GRM7: variants seen among roughly 807,000 people sequenced by gnomAD.
The protein encoded by GRM7 is metabotropic glutamate receptor 7.
In GRM7, 35 loss-of-function variants were observed where a neutral mutation model predicts 84.5. The observed-to-expected ratio is 0.41, with a 90% CI of 0.32 to 0.55. The LOEUF (loss-of-function observed/expected upper bound fraction) is 0.55. Ranked by LOEUF, GRM7 falls within the 20% of genes least tolerant of loss-of-function variation. The pLI is 0.19. For missense variants in GRM7, 1,003 were observed against 1,194.6 expected, an observed-to-expected ratio of 0.84 and a Z score of 2.36; for synonymous variants, 487 against 455.1, an observed-to-expected ratio of 1.07 and a Z score of -0.89.
At chr3:6,949,550 C>T (rs887477383) in intron 1 of GRM7, among the ~76,000 whole-genome samples, 2 of 151,758 alleles carry the variant, frequency 1.3e-5, no homozygotes, top group African/African-American at 2.4e-5. Context: ...TTGCTCTTCT[C>T]GAGGAGTATC....
intron 5 of GRM7, among the ~76,000 whole-genome samples, chr3:7,442,615 A>G (rs1697336019): frequency 6.6e-6 from 1 of 152,174 alleles, no homozygotes; most frequent in African/African-American, 2.4e-5. Context: ...GCATGGTAGC[A>G]GTGAGATGCA....
intron 1 of GRM7, among the ~76,000 whole-genome samples, chr3:7,085,197 T>C (rs1047891773): frequency 1.3e-5 from 2 of 152,196 alleles, no homozygotes; most frequent in African/African-American, 4.8e-5. Context: ...TTTGCACCTA[T>C]TAATTTAATT....
intron 8 of GRM7, among the ~76,000 whole-genome samples, chr3:7,647,519 A>G (rs1305599330): frequency 6.6e-6 from 1 of 152,220 alleles, no homozygotes; most frequent in Non-Finnish European, 1.5e-5. Context: ...GACTATATTG[A>G]GGAGGCTGGA....
intron 7 of GRM7, among the ~76,000 whole-genome samples, chr3:7,496,137 G>T (rs535929425): frequency 2.0e-5 from 3 of 152,272 alleles, no homozygotes; most frequent in South Asian, 4.1e-4. Flanking sequence ...TTGTGGGGAG[G>T]TGGTCTGACC....
intron 8 of GRM7, among the ~76,000 whole-genome samples, chr3:7,667,837 A>C (rs1699762839): frequency 6.7e-6 from 1 of 149,980 alleles, no homozygotes; most frequent in South Asian, 2.1e-4. Flanking sequence ...GTCTCAGTTA[A>C]GTCAAAGTCA....
intron 6 of GRM7, among the ~76,000 whole-genome samples, chr3:7,461,288 A>G (rs893689529): frequency 6.6e-6 from 1 of 152,192 alleles, no homozygotes; most frequent in South Asian, 2.1e-4. Context: ...ATTAATGCAT[A>G]TAGGTTTTAT....
chr3:7,151,002 G>A lies in GRM7; in HGVS notation c.736+4334G>A, dbSNP rs1000625514. On this transcript the variant is annotated intron_variant, in intron 2 of 9. Coordinates refer to ENST00000357716, the MANE Select transcript of GRM7 (RefSeq NM_000844.4). The surrounding 1 kb of genome is among the most constrained non-coding windows in gnomAD (Gnocchi z 4.5). Reference sequence around the variant, plus strand: ...TTACTGCTATGCTACCATCATACATGTCGACTTCTCAAAACCTAAAAGATC... The same window carrying A: ...TTACTGCTATGCTACCATCATACATATCGACTTCTCAAAACCTAAAAGATC... 1.3e-5 allele frequency among the ~76,000 whole-genome samples: 2 copies of A among 152,024 alleles called. No individual in the cohort carries two copies. Among genetic ancestry groups the A allele is most frequent in the Non-Finnish European group, 1.5e-5 (1 of 68,018 alleles).
chr3:6,895,850 TG>T (rs1252586663), intron 1 of GRM7, among the ~76,000 whole-genome samples: 2 of 152,160 alleles, frequency 1.3e-5, no homozygotes, highest in African/African-American at 2.4e-5. Flanking sequence ...TTTTGCTGTT[TG>T]GAATAAGATT....
chr3:6,936,629 T>A (rs776672801), intron 1 of GRM7, among the ~76,000 whole-genome samples: 1 of 152,206 alleles, frequency 6.6e-6, no homozygotes, highest in Non-Finnish European at 1.5e-5. Flanking sequence ...GATTTTTCTC[T>A]CCTGATTGGA....
intron 7 of GRM7, among the ~76,000 whole-genome samples, chr3:7,517,552 C>G (rs964755590): frequency 3.9e-5 from 6 of 152,072 alleles, no homozygotes; most frequent in Non-Finnish European, 8.8e-5. Flanking sequence ...GCCACCATAC[C>G]TAGCCAATTT....
chr3:7,595,756 C>T (rs1039181384), intron 8 of GRM7, among the ~76,000 whole-genome samples: 3 of 151,984 alleles, frequency 2.0e-5, no homozygotes, highest in South Asian at 2.1e-4. Context: ...GGCAGGTAGG[C>T]GCCAAGGCAG....
chr3:7,468,851 C>T (rs569181023), intron 7 of GRM7, among the ~76,000 whole-genome samples: 15 of 152,274 alleles, frequency 9.9e-5, no homozygotes, highest in South Asian at 8.3e-4. Flanking sequence ...TACCCCTTCA[C>T]GACTGTGAAT....
intron 2 of GRM7, among the ~76,000 whole-genome samples, chr3:7,295,709 T>C (rs1285797928): frequency 6.6e-6 from 1 of 152,166 alleles, no homozygotes; most frequent in East Asian, 1.9e-4. Context: ...TAAATGGCGT[T>C]GTGTTTCAAT....
At chr3:7,477,035 G>C (rs1224199568) in intron 7 of GRM7, among the ~76,000 whole-genome samples, 2 of 152,166 alleles carry the variant, frequency 1.3e-5, no homozygotes, top group African/African-American at 4.8e-5. Flanking sequence ...TCAGAGCACT[G>C]TCTCTTCCAG....
intron 7 of GRM7, among the ~76,000 whole-genome samples, chr3:7,547,181 C>T (rs1197104365): frequency 6.6e-6 from 1 of 150,602 alleles, no homozygotes; most frequent in African/African-American, 2.4e-5. Flanking sequence ...GCACAGCCCC[C>T]AGAGAGTGAA....
chr3:6,986,606 C>T (rs901926975), intron 1 of GRM7, among the ~76,000 whole-genome samples: 1 of 152,148 alleles, frequency 6.6e-6, no homozygotes, highest in African/African-American at 2.4e-5. Flanking sequence ...TGATGATTTT[C>T]TAAGCTCTCT....
Position 7,415,128 on chromosome 3 carries a change from G to A in GRM7, c.1139G>A (p.Gly380Glu). 6.2e-7 allele frequency: 1 copy of A among 1,612,550 alleles called. No individual in the cohort carries two copies. Among genetic ancestry groups the A allele is most frequent in the Non-Finnish European group, 8.5e-7 (1 of 1,178,952 alleles). The change falls in exon 5 of 10, where the codon GGG (glycine) becomes GAG (glutamate). Residue 380 changes from glycine to glutamate, a missense_variant. Gly to Glu is a moderately conservative substitution (Grantham distance 98, BLOSUM62 -2). Around this residue, in one of 2 missense-constraint regions of GRM7, gnomAD observed 910 missense variants for 1,126.0 expected, o/e 0.81. Coordinates refer to ENST00000357716, the MANE Select transcript of GRM7 (RefSeq NM_000844.4). ...TTCAACTGCAAGTTGACGATTAGTG[G>A]GTCAAAAAAAGAAGACACAGATCGC... ...ENFNCKLTISGSKKEDTDRKC... is the reference protein window; with the variant it reads ...ENFNCKLTISESKKEDTDRKC...
At chr3:7,656,961 T>C (rs1004309673) in intron 8 of GRM7, among the ~76,000 whole-genome samples, 1 of 152,328 alleles carries the variant, frequency 6.6e-6, no homozygotes, top group East Asian at 1.9e-4. Flanking sequence ...AAACATAGTA[T>C]TTACTTTGAG....
intron 5 of GRM7, among the ~76,000 whole-genome samples, chr3:7,421,491 CT>C (rs1287614930): frequency 6.6e-6 from 1 of 152,158 alleles, no homozygotes; most frequent in African/African-American, 2.4e-5. Context: ...TTTAAAACCC[CT>C]TATCCCACAT....
Sources: allele counts gnomAD v4.1 joint callset (sites outside exome capture counted in the v4.1 genomes callset), GRCh38; gene constraint gnomAD v4.1.1; regional missense constraint gnomAD v4.1.1; non-coding constraint Gnocchi (gnomAD v3.1); transcripts MANE v1.5; gene names NCBI Gene and HGNC (gene_info 2026-07-23, HGNC 2026-07-21).